The following ABI3BP variants were observed in gnomAD, a reference collection of about 807,000 sequenced individuals.
ABI3BP encodes target of Nesh-SH3.
In ABI3BP, 216 loss-of-function variants were observed where a neutral mutation model predicts 268.6. That is an observed-to-expected ratio of 0.80 (90% CI 0.72 to 0.90). ABI3BP has a LOEUF of 0.90. Among genes scored for constraint, ABI3BP ranks in the 40% least tolerant of loss-of-function variants. The pLI, the probability that ABI3BP is intolerant of heterozygous loss-of-function variation, is 0.00. For synonymous variants in ABI3BP, 730 were observed against 730.0 expected, an observed-to-expected ratio of 1.00 and a Z score of 0.00; for missense variants, 2,090 against 2,182.4, an observed-to-expected ratio of 0.96 and a Z score of 0.84.
chr3:100,911,589 A>C, intron 2 of ABI3BP: 1 of 668,976 alleles, frequency 1.5e-6, no homozygotes, highest in East Asian at 2.6e-5. Flanking sequence ...TTCTTCAAAA[A>C]ATTTAGAGCT....
rs60261694 is a variant in ABI3BP at position 100,841,194 on chromosome 3, C to CTTTTTTTTTTTTTTTTTTTTTT, written c.1766-358_1766-337dup. ...AATTGGCTAAGATGGCATTAGAACA[C>CTTTTTTTTTTTTTTTTTTTTTT]TTTTTTTTTTTTTTTTTTTTTTTTT... On this transcript the variant is annotated intron_variant, in intron 21 of 67. Transcript: ENST00000471714. Among the ~76,000 whole-genome samples the CTTTTTTTTTTTTTTTTTTTTTT allele has an allele frequency of 4.3e-4, 17 of 39,628 alleles. 1 individual carries two copies. Among genetic ancestry groups the CTTTTTTTTTTTTTTTTTTTTTT allele is most frequent in the Non-Finnish European group, 5.1e-4 (12 of 23,310 alleles). The allele number at this position is 39,628 out of a possible 152,430, so 26.0% of individuals were successfully genotyped here. A position where few individuals can be genotyped will look rare whatever the true frequency, so the allele number is the denominator to read the frequency against.
chr3:100,918,049 A>AG (rs397946434), intron 2 of ABI3BP, among the ~76,000 whole-genome samples: 1 of 152,182 alleles, frequency 6.6e-6, no homozygotes, highest in Non-Finnish European at 1.5e-5. Context: ...GGAAAAAAAA[A>AG]TCAAATGATT....
At chr3:100,761,306 T>C (rs1192592877) in intron 63 of ABI3BP, among the ~76,000 whole-genome samples, 1 of 152,176 alleles carries the variant, frequency 6.6e-6, no homozygotes, top group African/African-American at 2.4e-5. Flanking sequence ...TTAACATCTC[T>C]TTTGCATCAT....
At position 100,804,820 on chromosome 3, in the gene ABI3BP, T is replaced by C; in HGVS notation, c.3729A>G (p.Pro1243=). 1 of 1,613,168 alleles carries C rather than the reference T, an allele frequency of 6.2e-7. No homozygotes were observed. Among genetic ancestry groups the C allele is most frequent in the Non-Finnish European group, 8.5e-7 (1 of 1,179,260 alleles). ...QRVTAKPKTS[P]SPEVSYTTPA... ...GTGTGGTGTATGACACTTCTGGACT[T>C]GGTGACGTTTTTGGTTTTGCAGTAA... Residue 1243 remains proline, a synonymous_variant, in exon 51 of 68, where the codon CCA becomes CCG. Coordinates refer to ENST00000471714, the MANE Select transcript of ABI3BP (RefSeq NM_001375547.2).
chr3:100,817,645 G>A (rs780352159), intron 41 of ABI3BP, 150 bp from the exon 42 acceptor site: 100 of 511,516 alleles, frequency 2.0e-4, no homozygotes, highest in Middle Eastern at 1.1e-3. Flanking sequence ...TCATAAGACA[G>A]ATTTGCAAGA....
intron 6 of ABI3BP, among the ~76,000 whole-genome samples, chr3:100,876,932 A>G (rs1232929922): frequency 6.6e-6 from 1 of 152,086 alleles, no homozygotes; most frequent in Non-Finnish European, 1.5e-5. Flanking sequence ...AGGTTGCAGT[A>G]AGCCGAGATC....
intron 1 of ABI3BP, among the ~76,000 whole-genome samples, chr3:100,974,874 T>A (rs1398601426): frequency 6.6e-6 from 1 of 152,180 alleles, no homozygotes; most frequent in African/African-American, 2.4e-5. Flanking sequence ...CTTTAGAATG[T>A]GACATGGAAT....
intron 1 of ABI3BP, among the ~76,000 whole-genome samples, chr3:100,988,052 A>G (rs1246696018): frequency 6.6e-6 from 1 of 152,206 alleles, no homozygotes; most frequent in Non-Finnish European, 1.5e-5. Flanking sequence ...ACATAAATAT[A>G]TGTTACTCAA....
chr3:100,792,097 T>C (rs1185277450), intron 55 of ABI3BP, among the ~76,000 whole-genome samples: 1 of 151,848 alleles, frequency 6.6e-6, no homozygotes, highest in Admixed American at 6.6e-5. Context: ...AAAAGACTTC[T>C]GAGTGCATGA....
rs754407429 is a variant in ABI3BP at position 100,850,136 on chromosome 3, C to T, written c.1427-17G>A. On this transcript the variant is annotated splice_polypyrimidine_tract_variant and intron_variant, in intron 16 of 67. Transcript: ENST00000471714. Reference sequence around the variant, plus strand: ...CACTTGGAGCTGAAAGCACAAACACCCCAACCCATCAAATAATCCCAGTTA... The same window carrying T: ...CACTTGGAGCTGAAAGCACAAACACTCCAACCCATCAAATAATCCCAGTTA... The T allele has an allele frequency of 3.3e-5, 53 of 1,597,326 alleles. No individual in the cohort carries two copies. Among genetic ancestry groups the T allele is most frequent in the Non-Finnish European group, 3.2e-5 (37 of 1,171,152 alleles).
At chr3:100,818,910 A>C (rs2098128699) in intron 40 of ABI3BP, among the ~76,000 whole-genome samples, 1 of 152,336 alleles carries the variant, frequency 6.6e-6, no homozygotes, top group African/African-American at 2.4e-5. Context: ...TGTCCTAGTA[A>C]CTGTTGGCAT....
intron 20 of ABI3BP, chr3:100,844,394 G>C (rs942678320): frequency 4.8e-5 from 47 of 985,368 alleles, no homozygotes; most frequent in Middle Eastern, 1.0e-3. Flanking sequence ...GAAATGCGCT[G>C]AATTGTACTT....
Position 100,751,026 on chromosome 3 carries a change from T to G in ABI3BP, c.5246-416A>C, listed in dbSNP as rs1033658202. Reference sequence around the variant, plus strand: ...TAGGAACAATTAATTTACCCCCTTCTGCACTGCTTAGACAAGGATTAATTT... The same window carrying G: ...TAGGAACAATTAATTTACCCCCTTCGGCACTGCTTAGACAAGGATTAATTT... On this transcript the variant is annotated intron_variant, in intron 67 of 67. Coordinates refer to ENST00000471714, the MANE Select transcript of ABI3BP (RefSeq NM_001375547.2). 5.9e-5 allele frequency among the ~76,000 whole-genome samples: 9 copies of G among 152,318 alleles called. No individual in the cohort carries two copies. The East Asian group carries it at 1.7e-3, about 29-fold the overall frequency.
intron 27 of ABI3BP, among the ~76,000 whole-genome samples, chr3:100,835,902 C>G (rs1289192302): frequency 6.6e-6 from 1 of 152,068 alleles, no homozygotes; most frequent in Admixed American, 6.6e-5. Context: ...TTATCTGATT[C>G]CAACAACATA....
intron 1 of ABI3BP, among the ~76,000 whole-genome samples, chr3:100,927,705 C>A (rs1468052793): frequency 6.6e-6 from 1 of 152,096 alleles, no homozygotes; most frequent in Admixed American, 6.6e-5. Flanking sequence ...GGTTGCTAAA[C>A]CATTAGAAAC....
At chr3:100,950,159 A>G (rs774542975) in intron 1 of ABI3BP, among the ~76,000 whole-genome samples, 1 of 152,202 alleles carries the variant, frequency 6.6e-6, no homozygotes, top group Non-Finnish European at 1.5e-5. Flanking sequence ...TTCATTCTAT[A>G]TAGATGCTGT....
At chr3:100,985,252 C>A (rs752338500) in intron 1 of ABI3BP, among the ~76,000 whole-genome samples, 1 of 148,312 alleles carries the variant, frequency 6.7e-6, no homozygotes, top group Non-Finnish European at 1.5e-5. Context: ...CGGGTTCAAG[C>A]GATTCTCCTG....
intron 62 of ABI3BP, among the ~76,000 whole-genome samples, chr3:100,769,274 T>C (rs1207789536): frequency 6.6e-6 from 1 of 152,218 alleles, no homozygotes; most frequent in African/African-American, 2.4e-5. Context: ...GCTAAAGAGA[T>C]GTGATCCTTG....
chr3:100,900,400 G>T (rs2049733702), intron 3 of ABI3BP, among the ~76,000 whole-genome samples: 1 of 152,332 alleles, frequency 6.6e-6, no homozygotes, highest in East Asian at 1.9e-4. Context: ...ATAAGGCACA[G>T]AGAAGTTTCA....
Sources: gnomAD v4.1 joint callset for allele counts (sites outside exome capture counted in the v4.1 genomes callset) on GRCh38, gnomAD v4.1.1 for gene constraint, MANE v1.5 for transcripts, NCBI Gene and HGNC (gene_info 2026-07-23, HGNC 2026-07-21) for gene names.